The following DLG2 variants were observed in gnomAD, a reference collection of about 807,000 sequenced individuals.
DLG2 encodes the protein discs large MAGUK scaffold protein 2.
A neutral mutation model predicts 132.5 loss-of-function variants in DLG2; 45 were observed. That is an observed-to-expected ratio of 0.34 (90% CI 0.27 to 0.44). The LOEUF (loss-of-function observed/expected upper bound fraction) is 0.44, where lower values mean the gene tolerates loss of function less well. DLG2 is among the 20% of genes least tolerant of loss of function. DLG2 has a pLI of 1.00. For synonymous variants in DLG2, 424 were observed against 419.6 expected, an observed-to-expected ratio of 1.01 and a Z score of -0.13; for missense variants, 1,045 against 1,196.9, an observed-to-expected ratio of 0.87 and a Z score of 1.87.
chr11:83,940,361 A>G (rs2082370047), intron 14 of DLG2, among the ~76,000 whole-genome samples: 1 of 152,196 alleles, frequency 6.6e-6, no homozygotes, highest in African/African-American at 2.4e-5. Flanking sequence ...ATGTATTTTA[A>G]ATAATAATAA....
intron 7 of DLG2, among the ~76,000 whole-genome samples, chr11:84,337,667 C>CATTTGGTA (rs2098493528): frequency 6.6e-6 from 1 of 152,088 alleles, no homozygotes; most frequent in Admixed American, 6.5e-5. Context: ...GACTAGGTCT[C>CATTTGGTA]CCATCTCTGA....
At chr11:85,371,080 T>G (rs1013626185) in intron 3 of DLG2, among the ~76,000 whole-genome samples, 7 of 152,158 alleles carry the variant, frequency 4.6e-5, no homozygotes, top group Admixed American at 3.9e-4. Flanking sequence ...TTTAATCCTT[T>G]TCAAAGATGG....
intron 7 of DLG2, among the ~76,000 whole-genome samples, chr11:84,334,210 G>A (rs1028537767): frequency 2.6e-5 from 4 of 152,146 alleles, no homozygotes; most frequent in African/African-American, 7.2e-5. Flanking sequence ...ATGCAGTCAG[G>A]ATAAAGGAAA....
chr11:83,590,836 A>G (rs1334406180), intron 19 of DLG2, among the ~76,000 whole-genome samples: 34 of 152,148 alleles, frequency 2.2e-4, no homozygotes, highest in African/African-American at 8.0e-4. Flanking sequence ...AGAAATACAA[A>G]CTACCATCAG....
At chr11:85,381,641 T>C (rs1373541253) in intron 3 of DLG2, among the ~76,000 whole-genome samples, 1 of 152,124 alleles carries the variant, frequency 6.6e-6, no homozygotes, top group Non-Finnish European at 1.5e-5. Flanking sequence ...TTGGAACTAA[T>C]AAATGAGTTC....
chr11:83,804,100 A>G (rs2045257197), intron 17 of DLG2, among the ~76,000 whole-genome samples: 1 of 152,128 alleles, frequency 6.6e-6, no homozygotes, highest in East Asian at 1.9e-4. Context: ...CCCAAGAAAC[A>G]GGTTTTGTGA....
chr11:84,180,404 T>A (rs374486226), intron 8 of DLG2, among the ~76,000 whole-genome samples: 42 of 152,038 alleles, frequency 2.8e-4, no homozygotes, highest in African/African-American at 9.9e-4. Context: ...AGGTGTAACA[T>A]AAGCATAACA....
rs146556111 is a variant in DLG2 at position 84,835,118 on chromosome 11, C to T, written c.357+276543G>A. Among the ~76,000 whole-genome samples, 6 of 151,614 alleles carry T rather than the reference C, an allele frequency of 4.0e-5. No homozygotes were observed. The East Asian group carries it at 7.8e-4, about 20-fold the overall frequency. ...CAAAAACAGAAACACTGAAGATACCCTTGGTAATATTATTTAGGAAATTCT... is the reference window on the plus strand; with the variant it reads ...CAAAAACAGAAACACTGAAGATACCTTTGGTAATATTATTTAGGAAATTCT... On this transcript the variant is annotated intron_variant, in intron 6 of 27. Transcript: ENST00000376104.
chr11:84,533,295 G>T (rs1237456188), intron 7 of DLG2, among the ~76,000 whole-genome samples: 6 of 152,160 alleles, frequency 3.9e-5, no homozygotes, highest in Non-Finnish European at 8.8e-5. Context: ...GACAGCTCTG[G>T]AGGTAAAAAA....
chr11:83,725,106 G>T (rs2089741834), intron 18 of DLG2: 2 of 547,196 alleles, frequency 3.7e-6, no homozygotes, highest in African/African-American at 3.7e-5. Flanking sequence ...TGAAAGATGG[G>T]ATTATTTTCT....
At chr11:84,190,823 T>C (rs905222944) in intron 8 of DLG2, among the ~76,000 whole-genome samples, 1 of 152,166 alleles carries the variant, frequency 6.6e-6, no homozygotes, top group African/African-American at 2.4e-5. Context: ...CCCTTGTCAA[T>C]TGGTAAGTTT....
chr11:83,560,834 C>T (rs962370258), intron 19 of DLG2, among the ~76,000 whole-genome samples: 26 of 117,084 alleles, frequency 2.2e-4, no homozygotes, highest in East Asian at 2.7e-4. Context: ...ATAAGTCCTC[C>T]GTAAATCATT....
chr11:83,967,691 T>C (rs71465567), intron 12 of DLG2, among the ~76,000 whole-genome samples: 1 of 152,172 alleles, frequency 6.6e-6, no homozygotes, highest in Admixed American at 6.6e-5. Context: ...ATTTTGTTGA[T>C]TGTTTCCTTT....
At chr11:84,937,628 TACCAAGGGA>T (rs2048907716) in intron 6 of DLG2, among the ~76,000 whole-genome samples, 1 of 152,224 alleles carries the variant, frequency 6.6e-6, no homozygotes, top group East Asian at 1.9e-4. Context: ...AGGCATTTCT[TACCAAGGGA>T]CACTTGAACA....
intron 15 of DLG2, among the ~76,000 whole-genome samples, chr11:83,928,360 T>C (rs1017045822): frequency 2.0e-5 from 3 of 152,078 alleles, no homozygotes; most frequent in Non-Finnish European, 4.4e-5. Context: ...AAGAATCATA[T>C]CTGGCAGGTG....
At chr11:85,525,596 T>A (rs980779604) in intron 3 of DLG2, among the ~76,000 whole-genome samples, 5 of 152,242 alleles carry the variant, frequency 3.3e-5, no homozygotes, top group Non-Finnish European at 2.9e-5. Context: ...CAAAATTTAC[T>A]ATCTAAACTG....
chr11:84,984,023 A>G (rs993678974), intron 6 of DLG2, among the ~76,000 whole-genome samples: 1 of 152,214 alleles, frequency 6.6e-6, no homozygotes, highest in African/African-American at 2.4e-5. Context: ...TAAACAACCA[A>G]ACTTAAGAAT....
chr11:83,779,006 G>A (rs1270765666), intron 18 of DLG2, among the ~76,000 whole-genome samples: 7 of 151,958 alleles, frequency 4.6e-5, no homozygotes, highest in East Asian at 1.9e-4. Flanking sequence ...AGAGAGTTGT[G>A]GAGAAAGAAA....
rs202089081 is a variant in DLG2, at chr11:83,874,244, A to AAGGGAAGGAAGGAAGGAGAG, written c.1565+175_1565+176insCTCTCCTTCCTTCCTTCCCT. The stretch of plus-strand genomic sequence containing the variant: ...AAGAAAGAAAGAAAGACAAAGAAAG[A>AAGGGAAGGAAGGAAGGAGAG]AGGGAAGGAAGGAAGGAAAGAAGGA... On this transcript the variant is annotated intron_variant, in intron 16 of 27. Transcript: ENST00000376104. Among the ~76,000 whole-genome samples the AAGGGAAGGAAGGAAGGAGAG allele has an allele frequency of 8.6e-3, 242 of 27,992 alleles. 2 individuals carry two copies. The highest frequency in any genetic ancestry group is 0.064 in the African/African-American group (219 of 3,444). 18.4% of individuals were successfully genotyped at this position (27,992 alleles called of 152,430 possible). A position where few individuals can be genotyped will look rare whatever the true frequency, so the allele number is the denominator to read the frequency against.
Sources: gnomAD v4.1 joint callset for allele counts (sites outside exome capture counted in the v4.1 genomes callset) on GRCh38, gnomAD v4.1.1 for gene constraint, MANE v1.5 for transcripts, NCBI Gene and HGNC (gene_info 2026-07-23, HGNC 2026-07-21) for gene names.